GRM8: variants seen among roughly 807,000 people sequenced by gnomAD.
The protein encoded by GRM8 is glutamate metabotropic receptor 8, also known as metabotropic glutamate receptor 8.
Under a neutral mutation model 87.2 loss-of-function variants are expected in GRM8, and 47 were observed. That is an observed-to-expected ratio of 0.54 (90% confidence interval 0.43 to 0.69). The LOEUF (loss-of-function observed/expected upper bound fraction) is 0.69, where lower values mean the gene tolerates loss of function less well. Among genes scored for constraint, GRM8 ranks in the 30% least tolerant of loss-of-function variants. The pLI is 0.00. For synonymous variants in GRM8, 396 were observed against 404.5 expected, an observed-to-expected ratio of 0.98 and a Z score of 0.25; for missense variants, 1,019 against 1,139.2, an observed-to-expected ratio of 0.89 and a Z score of 1.52.
chr7:126,648,959 G>A (rs549991260), intron 7 of GRM8, among the ~76,000 whole-genome samples: 3 of 152,252 alleles, frequency 2.0e-5, no homozygotes, highest in Admixed American at 6.5e-5. Flanking sequence ...AGTCATTTAC[G>A]AAATGGCTGT....
At chr7:126,895,036 C>G (rs1398038162) in intron 6 of GRM8, among the ~76,000 whole-genome samples, 2 of 152,034 alleles carry the variant, frequency 1.3e-5, no homozygotes, top group Non-Finnish European at 2.9e-5. Context: ...TTTGAAGATA[C>G]AGGTGCATCT....
At chr7:126,695,112 T>C (rs1809235392) in intron 7 of GRM8, among the ~76,000 whole-genome samples, 1 of 152,170 alleles carries the variant, frequency 6.6e-6, no homozygotes, top group Admixed American at 6.6e-5. Flanking sequence ...GGAATAGAGA[T>C]GGGAGGGACT....
intron 6 of GRM8, among the ~76,000 whole-genome samples, chr7:126,844,341 A>G (rs1390313703): frequency 6.6e-6 from 1 of 152,172 alleles, no homozygotes; most frequent in East Asian, 1.9e-4. Context: ...CTGTATTTTT[A>G]ACAAGCATTC....
intron 8 of GRM8, among the ~76,000 whole-genome samples, chr7:126,605,750 T>C (rs537667193): frequency 6.6e-6 from 1 of 152,282 alleles, no homozygotes; most frequent in South Asian, 2.1e-4. Flanking sequence ...ATACAGTATA[T>C]GGATAAGAGT....
chr7:126,598,968 G>C (rs543651360), intron 8 of GRM8, among the ~76,000 whole-genome samples: 8 of 152,152 alleles, frequency 5.3e-5, no homozygotes, highest in Admixed American at 6.6e-5. Context: ...CTTTATCTAG[G>C]TATGAAAACC....
At chr7:126,650,034 T>C (rs1585369391) in intron 7 of GRM8, among the ~76,000 whole-genome samples, 1 of 152,220 alleles carries the variant, frequency 6.6e-6, no homozygotes, top group African/African-American at 2.4e-5. Flanking sequence ...AGATAGCTCT[T>C]GTCCCGTTAC....
chr7:127,218,275 C>G (rs532135927), intron 2 of GRM8, among the ~76,000 whole-genome samples: 2 of 152,302 alleles, frequency 1.3e-5, no homozygotes, highest in South Asian at 4.1e-4. Context: ...AATCACTTGC[C>G]CAGGTTCACA....
At chr7:127,133,139 G>T (rs930847569) in intron 2 of GRM8, among the ~76,000 whole-genome samples, 2 of 151,250 alleles carry the variant, frequency 1.3e-5, no homozygotes, top group African/African-American at 4.9e-5. Flanking sequence ...CCTGTCTCGG[G>T]CCAAGCGCGG....
intron 3 of GRM8, among the ~76,000 whole-genome samples, chr7:126,922,762 A>G (rs1413465693): frequency 6.6e-6 from 1 of 152,068 alleles, no homozygotes; most frequent in Non-Finnish European, 1.5e-5. Context: ...GTTCTCATGA[A>G]TGGTTTAGCA....
intron 6 of GRM8, among the ~76,000 whole-genome samples, chr7:126,799,756 T>G (rs983751868): frequency 6.6e-6 from 1 of 152,126 alleles, no homozygotes; most frequent in Non-Finnish European, 1.5e-5. Context: ...ATAAATGTGG[T>G]TCATGTTGTT....
At chr7:126,639,190 C>T (rs779400104) in intron 7 of GRM8, among the ~76,000 whole-genome samples, 21 of 152,198 alleles carry the variant, frequency 1.4e-4, no homozygotes, top group Admixed American at 2.6e-4. Flanking sequence ...TCGGAAGTAA[C>T]TTTAACACTT....
At chr7:127,125,954 A>T (rs1007651139) in intron 2 of GRM8, among the ~76,000 whole-genome samples, 6 of 152,046 alleles carry the variant, frequency 3.9e-5, no homozygotes, top group Admixed American at 1.3e-4. Flanking sequence ...CAGAACCATT[A>T]CTATTAAAAA....
In GRM8 at chr7:127,028,980, TA is replaced by T. The variant is rs1817087990; in HGVS notation, c.727+77515del. On this transcript the variant is annotated intron_variant, in intron 3 of 10. Transcript: ENST00000339582. ...TTTCTTTTGTGGGCATTTAGTGCTA[TA>T]AATTTCCCTCTACACACTGCTTTAA... Among the ~76,000 whole-genome samples, 4 of 152,318 alleles carry T rather than the reference TA, an allele frequency of 2.6e-5. No individual in the cohort carries two copies. In the South Asian group the frequency reaches 8.3e-4, roughly 32 times the overall value.
chr7:127,252,356 T>C lies in GRM8; in HGVS notation c.-312+441A>G, dbSNP rs1301743761. The C allele has an allele frequency of 6.6e-6, 1 of 152,166 alleles. No individual in the cohort carries two copies. The allele number at this position is 152,166 out of a possible 1,614,324, so 9.4% of individuals were successfully genotyped here. A position where few individuals can be genotyped will look rare whatever the true frequency, so the allele number is the denominator to read the frequency against. On this transcript the variant is annotated intron_variant, in intron 1 of 10. Coordinates refer to ENST00000339582, the MANE Select transcript of GRM8 (RefSeq NM_000845.3). The surrounding 1 kb of genome is among the most constrained non-coding windows in gnomAD (Gnocchi z 4.9). ...GGGAGTTCCGGGTAAAGTCTCCCTC[T>C]TTTCTGAACCTCTTTACTGTAATGT... is the stretch of plus-strand genomic sequence containing the variant.
rs529492675 is a variant in GRM8, at chr7:126,651,438, C to T, written c.1358-41940G>A. ...CTGAATCGGCGTCCTATATATGGTA[C>T]TGTTTCTCCCATAGCCAAGATTCAC... On this transcript the variant is annotated intron_variant, in intron 7 of 10. Transcript: ENST00000339582. Among the ~76,000 whole-genome samples, 11 of 152,280 alleles carry T rather than the reference C, an allele frequency of 7.2e-5. No homozygotes were observed. In the South Asian group the frequency reaches 2.3e-3, roughly 32 times the overall value.
At chr7:126,770,990 A>T (rs894242405) in intron 6 of GRM8, among the ~76,000 whole-genome samples, 11 of 152,064 alleles carry the variant, frequency 7.2e-5, no homozygotes, top group Non-Finnish European at 5.9e-5. Context: ...ACAAGAAAAA[A>T]TTATGAAAGG....
intron 3 of GRM8, among the ~76,000 whole-genome samples, chr7:127,102,274 G>A (rs951530057): frequency 6.6e-6 from 1 of 152,362 alleles, no homozygotes; most frequent in South Asian, 2.1e-4. Context: ...CCATGGGGCA[G>A]AGAAAGAAAA....
intron 3 of GRM8, among the ~76,000 whole-genome samples, chr7:127,002,299 G>A (rs1813807751): frequency 6.6e-6 from 1 of 151,600 alleles, no homozygotes; most frequent in Non-Finnish European, 1.5e-5. Flanking sequence ...AACGCAATAT[G>A]GCTAAGCTTA....
At chr7:126,610,025 TG>T (rs1488714765) in intron 7 of GRM8, among the ~76,000 whole-genome samples, 1 of 152,178 alleles carries the variant, frequency 6.6e-6, no homozygotes. Flanking sequence ...GGTCTACTGT[TG>T]GGAACCTCTC....
Sources: allele counts gnomAD v4.1 joint callset (sites outside exome capture counted in the v4.1 genomes callset), GRCh38; gene constraint gnomAD v4.1.1; non-coding constraint Gnocchi (gnomAD v3.1); transcripts MANE v1.5; gene names NCBI Gene and HGNC (gene_info 2026-07-23, HGNC 2026-07-21).